Variants in STS observed in about 807,000 individuals in gnomAD.
STS encodes the protein steryl-sulfatase.
A neutral mutation model predicts 26.8 loss-of-function variants in STS; 7 were observed. The ratio of observed to expected loss-of-function variants is 0.26; its 90% CI spans 0.15 to 0.49. The LOEUF (loss-of-function observed/expected upper bound fraction) is 0.49. Ranked by LOEUF, STS falls within the 20% of genes least tolerant of loss-of-function variation. The pLI, the probability that STS is intolerant of heterozygous loss-of-function variation, is 0.98. For synonymous variants in STS, 199 were observed against 189.4 expected, an observed-to-expected ratio of 1.05 and a Z score of -0.42; for missense variants, 434 against 465.6, an observed-to-expected ratio of 0.93 and a Z score of 0.63.
chrX:7,304,503 G>A (rs1030905571), intron 7 of STS, among the ~76,000 whole-genome samples: 3 of 111,025 alleles, frequency 2.7e-5, no homozygotes, highest in Non-Finnish European at 3.8e-5. Flanking sequence ...CTATCAATGA[G>A]GAATATTGAT....
chrX:7,255,400 C>T (rs1470817137), intron 3 of STS, among the ~76,000 whole-genome samples: 1 of 111,727 alleles, frequency 9.0e-6, no homozygotes, highest in African/African-American at 3.2e-5. Flanking sequence ...TCAGCTTTTT[C>T]ATTTTATCTG....
intron 2 of STS, among the ~76,000 whole-genome samples, chrX:7,215,138 C>T (rs201985044): frequency 0.029 from 2,615 of 90,173 alleles, 41 homozygotes; most frequent in East Asian, 0.11. Flanking sequence ...CACACACACA[C>T]ATATATATAT....
chrX:7,147,351 G>A (rs1177961691), upstream of STS, among the ~76,000 whole-genome samples: 3 of 111,391 alleles, frequency 2.7e-5, no homozygotes, highest in Non-Finnish European at 5.7e-5. Context: ...CACTGTTGAC[G>A]GCGCGGGATA....
chrX:7,339,998 C>T (rs190704434), intron 10 of STS, among the ~76,000 whole-genome samples: 2 of 104,406 alleles, frequency 1.9e-5, no homozygotes, highest in African/African-American at 7.0e-5. Flanking sequence ...TGCTACAATG[C>T]AAACTTACTT....
intron 1 of STS, among the ~76,000 whole-genome samples, chrX:7,161,639 A>G (rs1195958384): frequency 8.9e-6 from 1 of 112,179 alleles, no homozygotes; most frequent in Non-Finnish European, 1.9e-5. Context: ...TGCTTACTTT[A>G]CTTCTTATCA....
At position 7,171,981 on chromosome X, in the gene STS, A is replaced by G. The variant is rs773425067; in HGVS notation, c.-133-18899A>G. Among the ~76,000 whole-genome samples the G allele has an allele frequency of 1.9e-4, 21 of 112,274 alleles. No individual in the cohort carries two copies. In the Admixed American group the frequency reaches 1.9e-3, roughly 10 times the overall value. Reference sequence around the variant, plus strand: ...GTTGTACAATTCAATGGTTTTTATTAAATTACCAAGTTGCGCGATCATCAC... The same window carrying G: ...GTTGTACAATTCAATGGTTTTTATTGAATTACCAAGTTGCGCGATCATCAC... On this transcript the variant is annotated intron_variant, in intron 1 of 10. Transcript: ENST00000674429.
intron 7 of STS, among the ~76,000 whole-genome samples, chrX:7,286,043 C>G (rs1287385078): frequency 8.9e-6 from 1 of 112,109 alleles, no homozygotes; most frequent in Non-Finnish European, 1.9e-5. Context: ...AGTGAAGCAA[C>G]AAATTGGGCT....
At chrX:7,197,181 C>T (rs1933986071) in intron 2 of STS, among the ~76,000 whole-genome samples, 1 of 111,904 alleles carries the variant, frequency 8.9e-6, no homozygotes, top group Non-Finnish European at 1.9e-5. Flanking sequence ...ATGACCACTC[C>T]GTGCTCCAGG....
intron 10 of STS, among the ~76,000 whole-genome samples, chrX:7,347,676 G>A (rs1425064060): frequency 9.0e-6 from 1 of 111,682 alleles, no homozygotes; most frequent in Non-Finnish European, 1.9e-5. Context: ...TAAACACAAA[G>A]AGGCTTGACT....
intron 1 of STS, among the ~76,000 whole-genome samples, chrX:7,156,628 G>A (rs761437811): frequency 4.2e-4 from 47 of 111,780 alleles, no homozygotes; most frequent in Non-Finnish European, 7.7e-4. Flanking sequence ...GTGTAAACTA[G>A]GATGCCAGTT....
intron 2 of STS, among the ~76,000 whole-genome samples, chrX:7,228,260 C>G (rs1949075739): frequency 9.0e-6 from 1 of 111,677 alleles, no homozygotes; most frequent in African/African-American, 3.3e-5. Context: ...GTTGCTAGAT[C>G]ACAAGGTAGT....
chrX:7,147,922 G>C lies in STS; in HGVS notation c.-295G>C. ...TCGGGGCCAGCCGGGGGCAGAGCGC[G>C]CGGGAGCCCGAGCGTCCCTGCATGA... On this transcript the variant is annotated 5_prime_UTR_variant, in exon 1 of 11. Coordinates refer to ENST00000674429, the MANE Select transcript of STS (RefSeq NM_001320752.2). The C allele has an allele frequency of 2.1e-6, 1 of 467,223 alleles. No individual in the cohort carries two copies. Among genetic ancestry groups the C allele is most frequent in the East Asian group, 5.3e-5 (1 of 18,824 alleles). The allele number at this position is 467,223 out of a possible 1,213,427, so 38.5% of individuals were successfully genotyped here.
chrX:7,258,940 A>G (rs1389987411), intron 5 of STS, among the ~76,000 whole-genome samples: 1 of 108,976 alleles, frequency 9.2e-6, no homozygotes, highest in African/African-American at 3.3e-5. Context: ...ATTTTTCTGT[A>G]GAGTGTGGTT....
intron 7 of STS, among the ~76,000 whole-genome samples, chrX:7,283,069 A>G (rs1369588624): frequency 1.8e-5 from 2 of 112,521 alleles, no homozygotes; most frequent in East Asian, 5.6e-4. Flanking sequence ...TCTTTGCCCT[A>G]TACAGAGTCT....
intron 2 of STS, among the ~76,000 whole-genome samples, chrX:7,252,562 C>G (rs1268991174): frequency 9.0e-6 from 1 of 111,532 alleles, no homozygotes; most frequent in Non-Finnish European, 1.9e-5. Context: ...AAGCCCACGT[C>G]CTCCTCAACA....
chrX:7,288,286 A>T (rs1021457064), intron 7 of STS, among the ~76,000 whole-genome samples: 1 of 109,264 alleles, frequency 9.2e-6, no homozygotes, highest in Admixed American at 9.9e-5. Context: ...ACTCCCCTAC[A>T]AATTACAGGT....
chrX:7,158,858 T>C (rs1933186284), intron 1 of STS, among the ~76,000 whole-genome samples: 1 of 112,160 alleles, frequency 8.9e-6, no homozygotes, highest in East Asian at 2.8e-4. Context: ...GTATAAGACA[T>C]TTCTGCAATG....
chrX:7,266,957 A>G (rs376673827), intron 6 of STS, among the ~76,000 whole-genome samples: 8 of 111,713 alleles, frequency 7.2e-5, no homozygotes, highest in African/African-American at 1.6e-4. Context: ...CCACATAACA[A>G]CCTCATGAGG....
At chrX:7,214,953 GTA>G (rs1158158349) in intron 2 of STS, among the ~76,000 whole-genome samples, 12 of 82,556 alleles carry the variant, frequency 1.5e-4, no homozygotes, top group South Asian at 5.5e-4. Context: ...ACATATATAC[GTA>G]TATATATATT....
Sources: allele counts gnomAD v4.1 joint callset (sites outside exome capture counted in the v4.1 genomes callset), GRCh38; gene constraint gnomAD v4.1.1; transcripts MANE v1.5; gene names NCBI Gene and HGNC (gene_info 2026-07-23, HGNC 2026-07-21).